The following EPHA6 variants were observed in gnomAD, a reference collection of about 807,000 sequenced individuals.
EPHA6 encodes the protein ephrin type-A receptor 6.
EPHA6 carries 50 observed loss-of-function variants against 112.0 expected under a neutral mutation model. That is an observed-to-expected ratio of 0.45 (90% CI 0.36 to 0.56). The LOEUF (loss-of-function observed/expected upper bound fraction) is 0.56, where lower values mean the gene tolerates loss of function less well. Among genes scored for constraint, EPHA6 ranks in the 20% least tolerant of loss-of-function variants. The pLI is 0.00. For missense variants in EPHA6, 1,280 were observed against 1,417.4 expected, an observed-to-expected ratio of 0.90 and a Z score of 1.56; for synonymous variants, 529 against 490.7, an observed-to-expected ratio of 1.08 and a Z score of -1.03.
intron 14 of EPHA6, among the ~76,000 whole-genome samples, chr3:97,668,848 G>A (rs1425876294): frequency 7.3e-6 from 1 of 136,990 alleles, no homozygotes; most frequent in Non-Finnish European, 1.5e-5. Context: ...GGGAGGTAAA[G>A]GTTGCAGTGA....
intron 3 of EPHA6, among the ~76,000 whole-genome samples, chr3:97,212,967 C>T (rs1219389967): frequency 1.3e-5 from 2 of 152,188 alleles, no homozygotes; most frequent in Non-Finnish European, 2.9e-5. Context: ...CTCTTCTCTA[C>T]ATAACCAGAA....
intron 5 of EPHA6, among the ~76,000 whole-genome samples, chr3:97,390,923 A>G (rs2086360760): frequency 1.3e-5 from 2 of 152,068 alleles, no homozygotes; most frequent in African/African-American, 4.8e-5. Flanking sequence ...AATCCAAATA[A>G]TTTTTAAAAT....
intron 12 of EPHA6, among the ~76,000 whole-genome samples, 181 bp downstream of exon 12, chr3:97,592,918 G>A (rs566552144): frequency 6.6e-6 from 1 of 152,342 alleles, no homozygotes; most frequent in African/African-American, 2.4e-5. Flanking sequence ...TGGCACAAAG[G>A]AAGTGAAAGG....
chr3:97,646,013 A>G, intron 14 of EPHA6: 1 of 809,750 alleles, frequency 1.2e-6, no homozygotes, highest in Non-Finnish European at 1.7e-6. Context: ...TGTAATCTTC[A>G]AGAAAAAAAT....
intron 3 of EPHA6, among the ~76,000 whole-genome samples, chr3:97,030,119 C>A (rs2044775102): frequency 6.6e-6 from 1 of 152,102 alleles, no homozygotes; most frequent in South Asian, 2.1e-4. Context: ...CAAAAAATAT[C>A]TTTCCTTTCT....
intron 5 of EPHA6, among the ~76,000 whole-genome samples, chr3:97,294,923 A>G (rs1006449059): frequency 2.6e-5 from 4 of 152,138 alleles, no homozygotes; most frequent in African/African-American, 9.7e-5. Flanking sequence ...CATAGCCTAT[A>G]AGGTTTCTTT....
At chr3:97,563,828 G>A (rs1211491043) in intron 11 of EPHA6, among the ~76,000 whole-genome samples, 1 of 152,086 alleles carries the variant, frequency 6.6e-6, no homozygotes, top group Admixed American at 6.6e-5. Context: ...TTATAATAAT[G>A]TTTTTCAACA....
intron 1 of EPHA6, among the ~76,000 whole-genome samples, chr3:96,854,150 T>C (rs2035555855): frequency 6.6e-6 from 1 of 151,398 alleles, no homozygotes; most frequent in African/African-American, 2.4e-5. Context: ...AAAAGATATA[T>C]AGAATACTTC....
intron 3 of EPHA6, among the ~76,000 whole-genome samples, chr3:97,052,023 A>G (rs1416760680): frequency 4.6e-5 from 7 of 152,028 alleles, no homozygotes; most frequent in Non-Finnish European, 1.0e-4. Flanking sequence ...GCCAACTATA[A>G]ATTTGTTTAT....
At chr3:96,975,095 G>A (rs2042469494) in intron 2 of EPHA6, among the ~76,000 whole-genome samples, 2 of 152,120 alleles carry the variant, frequency 1.3e-5, no homozygotes, top group African/African-American at 4.8e-5. Context: ...ACACTTTGGT[G>A]TTTGCTTAGT....
At chr3:97,009,899 C>T in intron 3 of EPHA6, 1 of 448,080 alleles carries the variant, frequency 2.2e-6, no homozygotes, top group South Asian at 1.6e-5. Context: ...TCCTTCTCTC[C>T]ATGGGTCATG....
At chr3:97,494,785 C>A (rs1356585412) in intron 10 of EPHA6, among the ~76,000 whole-genome samples, 1 of 152,104 alleles carries the variant, frequency 6.6e-6, no homozygotes, top group Non-Finnish European at 1.5e-5. Context: ...CAAAGTAAAC[C>A]TAATCCTACT....
chr3:97,326,605 T>G (rs2108802618), intron 5 of EPHA6, among the ~76,000 whole-genome samples: 1 of 152,184 alleles, frequency 6.6e-6, no homozygotes, highest in South Asian at 2.1e-4. Context: ...GAGCTTAAAC[T>G]TTTATAACTT....
chr3:97,681,570 A>G (rs2031864346), intron 14 of EPHA6, among the ~76,000 whole-genome samples: 1 of 152,120 alleles, frequency 6.6e-6, no homozygotes. Context: ...AAGATCTCCC[A>G]AACATATTAT....
intron 6 of EPHA6, among the ~76,000 whole-genome samples, chr3:97,439,209 G>GA (rs1315939600): frequency 6.6e-6 from 1 of 152,122 alleles, no homozygotes; most frequent in Admixed American, 6.6e-5. Context: ...ATTTCAAAGT[G>GA]ATTTGGGGTT....
intron 3 of EPHA6, among the ~76,000 whole-genome samples, chr3:97,042,305 T>C (rs1638810692): frequency 6.6e-6 from 1 of 152,106 alleles, no homozygotes; most frequent in African/African-American, 2.4e-5. Flanking sequence ...CTTTTGCTGT[T>C]ACGTGCCTGC....
intron 2 of EPHA6, among the ~76,000 whole-genome samples, chr3:96,869,454 G>A (rs2036514256): frequency 6.6e-6 from 1 of 151,742 alleles, no homozygotes; most frequent in Admixed American, 6.6e-5. Flanking sequence ...AGTGGCTTGA[G>A]CAAAGGCACA....
At chr3:96,890,407 A>G (rs1433257065) in intron 2 of EPHA6, among the ~76,000 whole-genome samples, 1 of 152,230 alleles carries the variant, frequency 6.6e-6, no homozygotes, top group Non-Finnish European at 1.5e-5. Context: ...CAATAGACAT[A>G]TGAAAAGGAA....
chr3:97,593,786 A>G (rs1474708790), intron 12 of EPHA6, among the ~76,000 whole-genome samples: 1 of 152,198 alleles, frequency 6.6e-6, no homozygotes, highest in African/African-American at 2.4e-5. Context: ...TATGCTTTGA[A>G]GTCATTTAGC....
Sources: allele counts gnomAD v4.1 joint callset (sites outside exome capture counted in the v4.1 genomes callset), GRCh38; gene constraint gnomAD v4.1.1; transcripts MANE v1.5; gene names NCBI Gene and HGNC (gene_info 2026-07-23, HGNC 2026-07-21).